ENTHD1: variants seen among roughly 807,000 people sequenced by gnomAD.
The protein encoded by ENTHD1 is ENTH domain containing 1, also known as ENTH domain-containing protein 1.
Under a neutral mutation model 39.1 loss-of-function variants are expected in ENTHD1, and 23 were observed. The observed-to-expected ratio is 0.59, with a 90% confidence interval of 0.42 to 0.83. The LOEUF is 0.83. ENTHD1 is among the 40% of genes least tolerant of loss of function. The pLI, the probability that ENTHD1 is intolerant of heterozygous loss-of-function variation, is 0.00. For synonymous variants in ENTHD1, 230 were observed against 258.2 expected, an observed-to-expected ratio of 0.89 and a Z score of 1.05; for missense variants, 624 against 705.4, an observed-to-expected ratio of 0.88 and a Z score of 1.31.
chr22:39,861,925 T>C lies in ENTHD1; in HGVS notation c.432A>G (p.Ala144=). ...GGGAGGTACGCTGTCTAGTCCGACA[T>C]GCCACTTCCCTCTCTTTACACAGCA... ...EPLLCKEREV[A]CRTRQRTSHS... The change falls in exon 3 of 7, where the codon GCA becomes GCG. Residue 144 remains alanine (A), a synonymous_variant. Transcript: ENST00000325157. The C allele has an allele frequency of 1.2e-6, 2 of 1,600,194 alleles. No individual in the cohort carries two copies. Among genetic ancestry groups the C allele is most frequent in the Non-Finnish European group, 1.7e-6 (2 of 1,170,588 alleles).
In ENTHD1 at chr22:39,773,251, G is replaced by A. The variant is rs77628907; in HGVS notation, c.833-7642C>T. Among the ~76,000 whole-genome samples, 1,113 of 151,992 alleles carry A rather than the reference G, an allele frequency of 7.3e-3. 13 individuals carry two copies. Among genetic ancestry groups the A allele is most frequent in the African/African-American group, 0.013 (528 of 41,432 alleles). On this transcript the variant is annotated intron_variant, in intron 5 of 6. Coordinates refer to ENST00000325157, the MANE Select transcript of ENTHD1 (RefSeq NM_152512.4). ...TAAAACAAGTAGACAAAATATCAGC[G>A]GGGATCTAGAAGACTTAACATCAAC...
chr22:39,764,011 C>G (rs2065255396), intron 6 of ENTHD1, among the ~76,000 whole-genome samples: 1 of 152,100 alleles, frequency 6.6e-6, no homozygotes, highest in African/African-American at 2.4e-5. Context: ...TACCTTTAGG[C>G]TATTCAGTAT....
intron 3 of ENTHD1, among the ~76,000 whole-genome samples, chr22:39,857,264 G>GTCAT (rs2146716602): frequency 6.6e-6 from 1 of 151,816 alleles, no homozygotes; most frequent in South Asian, 2.1e-4. Flanking sequence ...CCAACATGAA[G>GTCAT]GAACCCCGTC....
chr22:39,796,030 G>A (rs556168374), intron 5 of ENTHD1, among the ~76,000 whole-genome samples: 1 of 151,968 alleles, frequency 6.6e-6, no homozygotes, highest in African/African-American at 2.4e-5. Context: ...TTCTCATTTT[G>A]TTGACGTTCT....
chr22:39,864,682 AGGAGTTTGAGACCAGCCT>A (rs1405286343), intron 2 of ENTHD1, among the ~76,000 whole-genome samples: 1 of 152,164 alleles, frequency 6.6e-6, no homozygotes, highest in Non-Finnish European at 1.5e-5. Context: ...ACTTGAGGCC[AGGAGTTTGAGACCAGCCT>A]GGGCAACATG....
intron 4 of ENTHD1, among the ~76,000 whole-genome samples, chr22:39,826,387 G>A (rs1288796500): frequency 6.6e-6 from 1 of 150,500 alleles, no homozygotes; most frequent in South Asian, 2.1e-4. Flanking sequence ...CTGGCTTTTT[G>A]TATCATTCCT....
chr22:39,853,545 C>A (rs1329259033), intron 3 of ENTHD1, among the ~76,000 whole-genome samples: 3 of 151,584 alleles, frequency 2.0e-5, no homozygotes, highest in Non-Finnish European at 4.4e-5. Flanking sequence ...CAAACAACAA[C>A]AAAAAAAACC....
At chr22:39,776,038 C>A (rs1249541993) in intron 5 of ENTHD1, among the ~76,000 whole-genome samples, 1 of 150,684 alleles carries the variant, frequency 6.6e-6, no homozygotes, top group African/African-American at 2.5e-5. Flanking sequence ...TAGGCACATG[C>A]CACCACATCT....
rs565128910 is a variant in ENTHD1 at position 39,839,447 on chromosome 22, A to AAT, written c.593-3491_593-3490dup. 3.4e-3 allele frequency among the ~76,000 whole-genome samples: 515 copies of AAT among 152,348 alleles called. 5 individuals carry two copies. Among genetic ancestry groups the AAT allele is most frequent in the Non-Finnish European group, 2.5e-3 (171 of 68,026 alleles). On this transcript the variant is annotated intron_variant, in intron 3 of 6. Coordinates refer to ENST00000325157, the MANE Select transcript of ENTHD1 (RefSeq NM_152512.4). ...GGCTTTGAAGGACGGCTAGGATTCC[A>AAT]ATAAGGGTAGAGGCAAAGATAAATT...
chr22:39,804,312 C>A (rs2065623251), intron 5 of ENTHD1, among the ~76,000 whole-genome samples: 1 of 151,932 alleles, frequency 6.6e-6, no homozygotes, highest in African/African-American at 2.4e-5. Flanking sequence ...ATAGCGAGAC[C>A]CTGTCTCTAC....
At chr22:39,785,083 G>A (rs1317511770) in intron 5 of ENTHD1, among the ~76,000 whole-genome samples, 1 of 151,954 alleles carries the variant, frequency 6.6e-6, no homozygotes, top group Non-Finnish European at 1.5e-5. Flanking sequence ...ATAAAATGGT[G>A]GATTAAGACA....
At chr22:39,854,626 T>A (rs2066070286) in intron 3 of ENTHD1, among the ~76,000 whole-genome samples, 1 of 152,028 alleles carries the variant, frequency 6.6e-6, no homozygotes, top group Admixed American at 6.6e-5. Context: ...ATCTCTTCCT[T>A]CAAACTTCAA....
rs1310092570 is a variant in ENTHD1, at chr22:39,867,177, A to T, written c.350-5170T>A. 6.6e-6 allele frequency among the ~76,000 whole-genome samples: 1 copy of T among 152,194 alleles called. No individual in the cohort carries two copies. Among genetic ancestry groups the T allele is most frequent in the Non-Finnish European group, 1.5e-5 (1 of 68,028 alleles). On this transcript the variant is annotated intron_variant, in intron 2 of 6. Coordinates refer to ENST00000325157, the MANE Select transcript of ENTHD1 (RefSeq NM_152512.4). This position sits in a 1 kb window ranked among gnomAD's most constrained non-coding sequence, Gnocchi z 4.5. ...CTCAGCCTCCCAAAGTGCTGGGATT[A>T]CAGGCGTGAGCCACCGCGCCCGGCC... is the stretch of plus-strand genomic sequence containing the variant.
At position 39,836,418 on chromosome 22, in the gene ENTHD1, T is replaced by C. The variant is rs372570551; in HGVS notation, c.593-460A>G. Among the ~76,000 whole-genome samples, 14 of 152,260 alleles carry C rather than the reference T, an allele frequency of 9.2e-5. No individual in the cohort carries two copies. In the East Asian group the frequency reaches 2.3e-3, roughly 25 times the overall value. ...CTTTTCTAAAAAATAAGGTTTAATG[T>C]AGTATAGAAAATAGAGTTTGAAAAA... On this transcript the variant is annotated intron_variant, in intron 3 of 6. Transcript: ENST00000325157.
rs527415166 is a variant in ENTHD1, at chr22:39,867,665, G to C, written c.350-5658C>G. On this transcript the variant is annotated intron_variant, in intron 2 of 6. Transcript: ENST00000325157. The surrounding 1 kb of genome is among the most constrained non-coding windows in gnomAD (Gnocchi z 4.5). ...GCCTTCAGGTAACGCGGTGGGGGTA[G>C]AAAGGGAGGGGAGAAGTATCTAAAA... Among the ~76,000 whole-genome samples the C allele has an allele frequency of 1.3e-5, 2 of 152,156 alleles. No individual in the cohort carries two copies. Among genetic ancestry groups the C allele is most frequent in the East Asian group, 3.9e-4 (2 of 5,168 alleles).
At chr22:39,759,496 TA>T (rs991973411) in intron 6 of ENTHD1, among the ~76,000 whole-genome samples, 2 of 152,138 alleles carry the variant, frequency 1.3e-5, no homozygotes, top group Admixed American at 1.3e-4. Flanking sequence ...AATTTGTAAT[TA>T]TTTTTTTGAT....
At chr22:39,789,213 G>A (rs1280704101) in intron 5 of ENTHD1, among the ~76,000 whole-genome samples, 3 of 152,072 alleles carry the variant, frequency 2.0e-5, no homozygotes. Context: ...TCAACATACT[G>A]ATTTCAATAC....
At chr22:39,861,686 C>T (rs2066141538) in intron 3 of ENTHD1, 79 bp downstream of exon 3, 10 of 1,171,360 alleles carry the variant, frequency 8.5e-6, no homozygotes, top group Non-Finnish European at 9.9e-6. Flanking sequence ...TAATTTAGTA[C>T]TAAAACATAA....
chr22:39,870,896 T>A (rs1226765985), intron 2 of ENTHD1, among the ~76,000 whole-genome samples: 1 of 152,112 alleles, frequency 6.6e-6, no homozygotes, highest in Non-Finnish European at 1.5e-5. Flanking sequence ...AAGACCTCCT[T>A]TTCTACTGGC....
Sources: allele counts gnomAD v4.1 joint callset (sites outside exome capture counted in the v4.1 genomes callset), GRCh38; gene constraint gnomAD v4.1.1; non-coding constraint Gnocchi (gnomAD v3.1); transcripts MANE v1.5; gene names NCBI Gene and HGNC (gene_info 2026-07-23, HGNC 2026-07-21).